Variants in RSF1 observed in about 807,000 individuals in gnomAD.
RSF1 encodes the protein remodeling and spacing factor 1.
A neutral mutation model predicts 145.2 loss-of-function variants in RSF1; 13 were observed. The observed-to-expected ratio is 0.09, with a 90% CI of 0.06 to 0.14. The LOEUF is 0.14. Ranked by LOEUF, RSF1 falls within the 10% of genes least tolerant of loss-of-function variation. RSF1 has a pLI of 1.00. For synonymous variants in RSF1, 577 were observed against 592.6 expected, an observed-to-expected ratio of 0.97 and a Z score of 0.38; for missense variants, 1,517 against 1,718.2, an observed-to-expected ratio of 0.88 and a Z score of 2.07.
intron 1 of RSF1, among the ~76,000 whole-genome samples, chr11:77,805,067 T>G (rs1342690090): frequency 6.6e-6 from 1 of 152,194 alleles, no homozygotes; most frequent in South Asian, 2.1e-4. Context: ...GTTTGTTTCT[T>G]TGTGGGGAGA....
chr11:77,699,346 T>C (rs1960357256), intron 6 of RSF1, among the ~76,000 whole-genome samples: 1 of 152,216 alleles, frequency 6.6e-6, no homozygotes, highest in East Asian at 1.9e-4. Flanking sequence ...TTTATACTCT[T>C]TTAACTTGTG....
the RSF1 span, among the ~76,000 whole-genome samples, chr11:77,846,610 G>A: frequency 6.6e-6 from 1 of 152,224 alleles, no homozygotes; most frequent in Non-Finnish European, 1.5e-5. Context: ...GGAGGCTGAG[G>A]CAGGAGAATC....
At chr11:77,840,586 CAT>C in the RSF1 span, among the ~76,000 whole-genome samples, 1 of 152,052 alleles carries the variant, frequency 6.6e-6, no homozygotes, top group Non-Finnish European at 1.5e-5. Context: ...CTAATAAAAA[CAT>C]AAAAGAAACT....
rs1948322965 is a variant in RSF1, at chr11:77,774,652, T to C, written c.188-9963A>G. Among the ~76,000 whole-genome samples, 7 of 150,014 alleles carry C rather than the reference T, an allele frequency of 4.7e-5. No individual in the cohort carries two copies. The South Asian group carries it at 1.5e-3, about 32-fold the overall frequency. On this transcript the variant is annotated intron_variant, in intron 1 of 15. Transcript: ENST00000308488. ...AAAAGAGAGTTCCTAGGCCAGATGC[T>C]GCAGTGGCTCACGCCTGTAATCCCA...
the RSF1 span, chr11:77,840,949 G>A: frequency 4.3e-6 from 2 of 462,586 alleles, no homozygotes; most frequent in Non-Finnish European, 7.7e-6. Flanking sequence ...TCCATGTTGT[G>A]CTCCTATAAC....
the RSF1 span, chr11:77,841,306 T>C: frequency 1.5e-6 from 1 of 689,298 alleles, no homozygotes; most frequent in Non-Finnish European, 2.7e-6. Context: ...ACCATAGCAC[T>C]AAACTAAATC....
At chr11:77,779,418 T>A (rs1241718334) in intron 1 of RSF1, among the ~76,000 whole-genome samples, 2 of 151,742 alleles carry the variant, frequency 1.3e-5, no homozygotes, top group African/African-American at 4.8e-5. Flanking sequence ...GTTTCACTCT[T>A]GTTGCCCAGG....
At chr11:77,734,590 A>T in intron 4 of RSF1, 1 of 1,538,684 alleles carries the variant, frequency 6.5e-7, no homozygotes, top group Admixed American at 1.7e-5. Flanking sequence ...CAATTCTTTG[A>T]TGGCTTTCAC....
chr11:77,797,145 AT>A (rs1948580654), intron 1 of RSF1, among the ~76,000 whole-genome samples: 1 of 152,220 alleles, frequency 6.6e-6, no homozygotes, highest in South Asian at 2.1e-4. Flanking sequence ...TCTTCACAGA[AT>A]TGGAAAAAAA....
intron 14 of RSF1, among the ~76,000 whole-genome samples, chr11:77,674,386 A>G (rs1959636483): frequency 6.6e-6 from 1 of 152,226 alleles, no homozygotes; most frequent in Non-Finnish European, 1.5e-5. Context: ...AACTACTGTT[A>G]ATCTGTAAAA....
At chr11:77,820,187 G>A (rs1948843546) in intron 1 of RSF1, among the ~76,000 whole-genome samples, 1 of 152,160 alleles carries the variant, frequency 6.6e-6, no homozygotes. Flanking sequence ...GCCGCCAAGG[G>A]GGAGACGGGG....
chr11:77,707,053 G>C (rs1043560486), intron 5 of RSF1, among the ~76,000 whole-genome samples: 1 of 152,142 alleles, frequency 6.6e-6, no homozygotes, highest in African/African-American at 2.4e-5. Context: ...TTCCCTATAA[G>C]GAATTAACGG....
chr11:77,774,430 G>T (rs940520596), intron 1 of RSF1, among the ~76,000 whole-genome samples: 3 of 151,814 alleles, frequency 2.0e-5, no homozygotes. Flanking sequence ...AAATTAGCCA[G>T]GCATGGTGGT....
At chr11:77,715,708 A>C (rs369343213) in intron 5 of RSF1, among the ~76,000 whole-genome samples, 6 of 152,226 alleles carry the variant, frequency 3.9e-5, no homozygotes, top group African/African-American at 1.4e-4. Context: ...TCAGCCTCCC[A>C]AAGTGTTGGG....
the RSF1 span, among the ~76,000 whole-genome samples, chr11:77,827,195 A>G: frequency 6.6e-6 from 1 of 152,170 alleles, no homozygotes; most frequent in African/African-American, 2.4e-5. Context: ...AGATGGCTTC[A>G]TGGTCAGTTC....
intron 1 of RSF1, among the ~76,000 whole-genome samples, chr11:77,798,863 T>C (rs1010817095): frequency 1.1e-4 from 17 of 150,968 alleles, no homozygotes; most frequent in Admixed American, 7.3e-4. Flanking sequence ...GGGATAACAT[T>C]AGGAGACATA....
chr11:77,830,951 G>A, the RSF1 span, among the ~76,000 whole-genome samples: 3 of 141,050 alleles, frequency 2.1e-5, no homozygotes, highest in African/African-American at 5.3e-5. Context: ...GACCATTCTG[G>A]GAAACATGGC....
At chr11:77,831,380 A>C in the RSF1 span, among the ~76,000 whole-genome samples, 1 of 152,178 alleles carries the variant, frequency 6.6e-6, no homozygotes, top group Non-Finnish European at 1.5e-5. Flanking sequence ...TCCATGAAAA[A>C]ATTTTTACAT....
intron 1 of RSF1, among the ~76,000 whole-genome samples, chr11:77,797,372 T>C (rs1468197952): frequency 6.6e-6 from 1 of 152,026 alleles, no homozygotes; most frequent in Admixed American, 6.6e-5. Context: ...TCTACAACCA[T>C]ATGATTTTTG....
Sources: gnomAD v4.1 joint callset for allele counts (sites outside exome capture counted in the v4.1 genomes callset) on GRCh38, gnomAD v4.1.1 for gene constraint, MANE v1.5 for transcripts, NCBI Gene and HGNC (gene_info 2026-07-23, HGNC 2026-07-21) for gene names.